Variants in FAM209B observed in about 807,000 individuals in gnomAD.
FAM209B encodes the protein family with sequence similarity 209 member B.
In FAM209B, 8 loss-of-function variants were observed where a neutral mutation model predicts 8.9. The observed-to-expected ratio is 0.90, with a 90% CI of 0.53 to 1.62. The LOEUF (loss-of-function observed/expected upper bound fraction) is 1.62, where lower values mean the gene tolerates loss of function less well. Among genes scored for constraint, FAM209B ranks in the 40% most tolerant of loss-of-function variants. FAM209B has a pLI of 0.00. For missense variants in FAM209B, 175 were observed against 205.3 expected, an observed-to-expected ratio of 0.85 and a Z score of 0.90; for synonymous variants, 67 against 75.0, an observed-to-expected ratio of 0.89 and a Z score of 0.55.
chr20:56,535,721 G>A (rs950278057), intron 1 of FAM209B, among the ~76,000 whole-genome samples: 10 of 152,156 alleles, frequency 6.6e-5, no homozygotes, highest in Non-Finnish European at 1.5e-4. Context: ...GTGTAAAGTA[G>A]TAACAGCTGG....
chr20:56,535,804 AG>A lies in FAM209B; in HGVS notation c.250-367del, dbSNP rs1985954043. 2.0e-5 allele frequency among the ~76,000 whole-genome samples: 3 copies of A among 152,316 alleles called. No individual in the cohort carries two copies. In the South Asian group the frequency reaches 6.2e-4, roughly 32 times the overall value. The stretch of plus-strand genomic sequence containing the variant: ...AAAGAAAGCGTATTCTCCCCTAGAA[AG>A]ACCCAGCATTTCATGATCCTGTGCC... On this transcript the variant is annotated intron_variant, in intron 1 of 1. Transcript: ENST00000371325.
At chr20:56,533,628 C>G (rs1985858140) in intron 1 of FAM209B, 38 bp downstream of exon 1, 1 of 1,606,678 alleles carries the variant, frequency 6.2e-7, no homozygotes, top group South Asian at 1.1e-5. Context: ...CATATTGATT[C>G]AATCTCAGGA....
At chr20:56,536,050 C>A in intron 1 of FAM209B, 122 bp from the exon 2 acceptor site, 1 of 788,494 alleles carries the variant, frequency 1.3e-6, no homozygotes, top group East Asian at 2.9e-5. Flanking sequence ...CCATAGTCTG[C>A]CAGTGCCTGC....
chr20:56,534,385 C>T (rs560200143), intron 1 of FAM209B, among the ~76,000 whole-genome samples: 27 of 151,890 alleles, frequency 1.8e-4, no homozygotes, highest in Non-Finnish European at 3.1e-4. Flanking sequence ...GAGGCCGAGA[C>T]GGGCAGATCA....
At chr20:56,534,307 A>G (rs1254329594) in intron 1 of FAM209B, among the ~76,000 whole-genome samples, 1 of 151,922 alleles carries the variant, frequency 6.6e-6, no homozygotes, top group Non-Finnish European at 1.5e-5. Flanking sequence ...CAAAATATGA[A>G]ACTTCTGTAA....
chr20:56,533,340 C>T lies in FAM209B; in HGVS notation c.-2C>T, dbSNP rs1204463301. 1 of 1,613,902 alleles carries T rather than the reference C, an allele frequency of 6.2e-7. No individual in the cohort carries two copies. Among genetic ancestry groups the T allele is most frequent in the African/African-American group, 1.3e-5 (1 of 74,938 alleles). On this transcript the variant is annotated 5_prime_UTR_variant, in exon 1 of 2. Coordinates refer to ENST00000371325, the MANE Select transcript of FAM209B (RefSeq NM_001013646.4). The stretch of plus-strand genomic sequence containing the variant: ...CAACTCCCTTCCCCATCTCTGCTCA[C>T]CATGTGGACGCTGAAATCGTCCCTG...
At chr20:56,533,887 T>A (rs1190146114) in intron 1 of FAM209B, among the ~76,000 whole-genome samples, 1 of 152,208 alleles carries the variant, frequency 6.6e-6, no homozygotes. Flanking sequence ...CCGGGCGCAG[T>A]GGTTCATGCT....
chr20:56,533,403 T>G lies in FAM209B; in HGVS notation c.62T>G (p.Met21Arg). The G allele has an allele frequency of 6.2e-7, 1 of 1,614,136 alleles. No individual in the cohort carries two copies. Residue 21 changes from methionine to arginine, a missense_variant, in exon 1 of 2, where the codon ATG becomes AGG. Coordinates refer to ENST00000371325, the MANE Select transcript of FAM209B (RefSeq NM_001013646.4). The stretch of plus-strand genomic sequence containing the variant: ...TGCCTCACCTGCAGCTATGCCTTTA[T>G]GTTCTCTTCTCTGAGACAGAAAACT... ...LLCLTCSYAF[M>R]FSSLRQKTSE...
chr20:56,535,685 A>G (rs1985950506), intron 1 of FAM209B, among the ~76,000 whole-genome samples: 1 of 152,184 alleles, frequency 6.6e-6, no homozygotes, highest in African/African-American at 2.4e-5. Flanking sequence ...GTGTCTCAAA[A>G]AAACAAACAA....
intron 1 of FAM209B, among the ~76,000 whole-genome samples, chr20:56,534,556 T>C (rs948577726): frequency 2.0e-5 from 3 of 150,588 alleles, no homozygotes; most frequent in African/African-American, 7.4e-5. Context: ...CGAGACCAGC[T>C]GGGCAACATG....
intron 1 of FAM209B, 53 bp downstream of exon 1, chr20:56,533,643 C>T: frequency 6.2e-7 from 1 of 1,600,398 alleles, no homozygotes; most frequent in Non-Finnish European, 8.5e-7. Flanking sequence ...TCAGGAGTCT[C>T]AGGGAAACGG....
chr20:56,536,161 T>C lies in FAM209B; in HGVS notation c.250-11T>C. ...CATGATATTATTGACCTTGAATATCTTTCTTGACAGGAGCAGAGTCCTCCT... is the reference window on the plus strand; with the variant it reads ...CATGATATTATTGACCTTGAATATCCTTCTTGACAGGAGCAGAGTCCTCCT... On this transcript the variant is annotated splice_polypyrimidine_tract_variant and intron_variant, in intron 1 of 1. Coordinates refer to ENST00000371325, the MANE Select transcript of FAM209B (RefSeq NM_001013646.4). 1 of 1,518,260 alleles carries C rather than the reference T, an allele frequency of 6.6e-7. No individual in the cohort carries two copies. The allele number at this position is 1,518,260 out of a possible 1,614,324, so 94.0% of individuals were successfully genotyped here. A position where few individuals can be genotyped will look rare whatever the true frequency, so the allele number is the denominator to read the frequency against.
At position 56,535,049 on chromosome 20, in the gene FAM209B, CA is replaced by C. The variant is rs762093801; in HGVS notation, c.250-1108del. 3.3e-3 allele frequency among the ~76,000 whole-genome samples: 402 copies of C among 121,618 alleles called. 1 individual carries two copies. The highest frequency in any genetic ancestry group is 3.4e-3 in the Admixed American group (39 of 11,324). 79.8% of individuals were successfully genotyped at this position (121,618 alleles called of 152,430 possible). A position where few individuals can be genotyped will look rare whatever the true frequency, so the allele number is the denominator to read the frequency against. ...GGGCAACAAGAGCAAAACTCTGTCT[CA>C]AAAAAAAAAAAAAATACAGAAATTA... On this transcript the variant is annotated intron_variant, in intron 1 of 1. Coordinates refer to ENST00000371325, the MANE Select transcript of FAM209B (RefSeq NM_001013646.4).
Position 56,533,407 on chromosome 20 carries a change from C to T in FAM209B, c.66C>T (p.Phe22=). 4 of 1,614,126 alleles carry T rather than the reference C, an allele frequency of 2.5e-6. No individual in the cohort carries two copies. The highest frequency in any genetic ancestry group is 2.5e-6 in the Non-Finnish European group (3 of 1,180,004). The change falls in exon 1 of 2, where the codon TTC becomes TTT. Residue 22 remains phenylalanine, a synonymous_variant. Transcript: ENST00000371325. The stretch of plus-strand genomic sequence containing the variant: ...TCACCTGCAGCTATGCCTTTATGTT[C>T]TCTTCTCTGAGACAGAAAACTAGCG... The part of the protein sequence containing the change: ...LCLTCSYAFM[F]SSLRQKTSEP...
At chr20:56,533,672 G>A (rs6099190) in intron 1 of FAM209B, 82 bp downstream of exon 1, 20,047 of 1,550,420 alleles carry the variant, frequency 0.013, 365 homozygotes, top group African/African-American at 0.049. Flanking sequence ...GTGAGTCTAG[G>A]CGGCACCGTT....
chr20:56,534,861 C>T (rs1192272987), intron 1 of FAM209B, among the ~76,000 whole-genome samples: 1 of 151,064 alleles, frequency 6.6e-6, no homozygotes, highest in African/African-American at 2.4e-5. Flanking sequence ...TGAGACCAGC[C>T]TGACCAACAT....
chr20:56,536,319 C>A lies in FAM209B; in HGVS notation c.397C>A (p.Leu133Ile), dbSNP rs757528635. 4 of 1,614,046 alleles carry A rather than the reference C, an allele frequency of 2.5e-6. No homozygotes were observed. Among genetic ancestry groups the A allele is most frequent in the Non-Finnish European group, 3.4e-6 (4 of 1,179,980 alleles). ...LLKFVSEVQN[L>I]KGAMATGSGS... ...GAAATTTGTGTCCGAAGTGCAGAAT[C>A]TTAAAGGTGCCATGGCAACAGGCAG... The change falls in exon 2 of 2, where the codon CTT (leucine) becomes ATT (isoleucine). Residue 133 changes from leucine (L) to isoleucine (I), a missense_variant. By Grantham distance (5) the Leu-to-Ile change is conservative (BLOSUM62 2). This residue lies in a region of FAM209B where 166 missense variants were observed against 174.5 expected (regional missense o/e 0.95). Coordinates refer to ENST00000371325, the MANE Select transcript of FAM209B (RefSeq NM_001013646.4).
chr20:56,535,357 C>T (rs565725040), intron 1 of FAM209B, among the ~76,000 whole-genome samples: 6 of 152,112 alleles, frequency 3.9e-5, no homozygotes, highest in East Asian at 3.9e-4. Context: ...TTTGGGAAGC[C>T]GAGGCGGGTG....
At chr20:56,535,754 T>C (rs1985952808) in intron 1 of FAM209B, among the ~76,000 whole-genome samples, 1 of 152,106 alleles carries the variant, frequency 6.6e-6, no homozygotes, top group Admixed American at 6.6e-5. Context: ...CCATAAACAA[T>C]TCTTTCAAGT....
Sources: gnomAD v4.1 joint callset for allele counts (sites outside exome capture counted in the v4.1 genomes callset) on GRCh38, gnomAD v4.1.1 for gene constraint, gnomAD v4.1.1 regional missense constraint, MANE v1.5 for transcripts, NCBI Gene and HGNC (gene_info 2026-07-23, HGNC 2026-07-21) for gene names.